TBC1D14: variants seen among roughly 807,000 people sequenced by gnomAD.
TBC1D14 encodes TBC1 domain family member 14, also known as TBC1 domain family, member 14.
In TBC1D14, 26 loss-of-function variants were observed where a neutral mutation model predicts 79.0. The observed-to-expected ratio is 0.33, with a 90% CI of 0.24 to 0.46. The LOEUF is 0.46. Ranked by LOEUF, TBC1D14 falls within the 20% of genes least tolerant of loss-of-function variation. TBC1D14 has a pLI of 1.00. For missense variants in TBC1D14, 769 were observed against 887.6 expected (o/e 0.87, Z 1.70); for synonymous variants, 394 against 349.9 (o/e 1.13, Z -1.40).
intron 1 of TBC1D14, chr4:6,910,436 AC>A (rs1722884673): frequency 7.4e-6 from 1 of 134,318 alleles, no homozygotes; most frequent in Non-Finnish European, 1.6e-5. Flanking sequence ...GACCCGCGAA[AC>A]CCCCTTTCAT....
chr4:7,003,794 G>A (rs1423261838), intron 7 of TBC1D14, among the ~76,000 whole-genome samples: 3 of 152,004 alleles, frequency 2.0e-5, no homozygotes, highest in Non-Finnish European at 4.4e-5. Context: ...CTGAGGTCAG[G>A]AGTTTGAGAC....
intron 1 of TBC1D14, among the ~76,000 whole-genome samples, chr4:6,914,657 C>T (rs1022851467): frequency 6.6e-6 from 1 of 152,178 alleles, no homozygotes; most frequent in Non-Finnish European, 1.5e-5. Context: ...GATGTGTCAT[C>T]TGCGCTTGGG....
chr4:6,923,224 C>A, intron 1 of TBC1D14, 149 bp from the exon 2 acceptor site: 1 of 917,944 alleles, frequency 1.1e-6, no homozygotes. Context: ...CCACTTCTAG[C>A]TTCTGGACTT....
chr4:6,924,537 C>T (rs1361615190), intron 2 of TBC1D14, among the ~76,000 whole-genome samples: 1 of 152,162 alleles, frequency 6.6e-6, no homozygotes, highest in East Asian at 1.9e-4. Flanking sequence ...TGCTGGCATG[C>T]CGGGTGTTCC....
intron 2 of TBC1D14, among the ~76,000 whole-genome samples, chr4:6,937,162 C>T (rs1486346899): frequency 1.3e-5 from 2 of 152,330 alleles, no homozygotes; most frequent in East Asian, 3.9e-4. Context: ...GGTGATCTGC[C>T]CGCCACAACC....
intron 2 of TBC1D14, among the ~76,000 whole-genome samples, chr4:6,966,061 A>T (rs112541319): frequency 6.6e-6 from 1 of 151,978 alleles, no homozygotes; most frequent in African/African-American, 2.4e-5. Context: ...ATTAATTTCT[A>T]TGTTTGTTTA....
intron 2 of TBC1D14, among the ~76,000 whole-genome samples, chr4:6,933,615 G>C (rs868282265): frequency 6.6e-6 from 1 of 152,144 alleles, no homozygotes; most frequent in Middle Eastern, 3.4e-3. Flanking sequence ...GCCTACCTCT[G>C]TTTCTTAAAG....
intron 9 of TBC1D14, chr4:7,007,694 T>C (rs1720341737): frequency 9.9e-7 from 1 of 1,011,130 alleles, no homozygotes. Context: ...GCCTGTTTCC[T>C]GGAACCCTGC....
At chr4:6,988,885 C>CTTTCTT (rs748889966) in intron 3 of TBC1D14, among the ~76,000 whole-genome samples, 940 of 76,966 alleles carry the variant, frequency 0.012, 18 homozygotes, top group Non-Finnish European at 0.018. Flanking sequence ...TTCTTTCTTT[C>CTTTCTT]TTTTTTTTTT....
At chr4:6,994,043 C>T (rs941122222) in intron 3 of TBC1D14, 141 bp from the exon 4 acceptor site, 2 of 681,822 alleles carry the variant, frequency 2.9e-6, no homozygotes, top group Non-Finnish European at 2.5e-6. Flanking sequence ...GCTTTTCATT[C>T]TGAATAGCAG....
chr4:7,007,614 T>G (rs971172291), intron 9 of TBC1D14: 4 of 1,288,952 alleles, frequency 3.1e-6, no homozygotes, highest in African/African-American at 1.5e-5. Flanking sequence ...GCAGCTTTGG[T>G]CCTGGTGTCT....
intron 2 of TBC1D14, among the ~76,000 whole-genome samples, chr4:6,940,074 G>T (rs970493284): frequency 2.6e-5 from 4 of 152,230 alleles, no homozygotes; most frequent in Admixed American, 6.5e-5. Flanking sequence ...TTGGGGCGCA[G>T]CTGGTGCTTT....
chr4:6,995,304 A>G (rs985702767), intron 4 of TBC1D14: 10 of 152,254 alleles, frequency 6.6e-5, no homozygotes, highest in African/African-American at 2.4e-4. Context: ...AAATCTGGTC[A>G]GGAAATGTCT....
At chr4:6,949,793 C>G (rs1257337484) in intron 2 of TBC1D14, among the ~76,000 whole-genome samples, 1 of 145,356 alleles carries the variant, frequency 6.9e-6, no homozygotes, top group Non-Finnish European at 1.5e-5. Flanking sequence ...TCTTATGTTT[C>G]TTTCATTAAA....
At chr4:6,942,339 A>T (rs967149339) in intron 2 of TBC1D14, among the ~76,000 whole-genome samples, 4 of 152,156 alleles carry the variant, frequency 2.6e-5, no homozygotes, top group African/African-American at 9.7e-5. Flanking sequence ...CTGGGTTTGT[A>T]ACTGCGAGCT....
chr4:7,021,378 AT>A (rs1168251086), intron 12 of TBC1D14, among the ~76,000 whole-genome samples: 1 of 152,206 alleles, frequency 6.6e-6, no homozygotes. Flanking sequence ...TGACAGGATC[AT>A]TTTAGCCCAG....
chr4:6,997,947 GT>G (rs1719236250), intron 5 of TBC1D14, among the ~76,000 whole-genome samples: 1 of 152,118 alleles, frequency 6.6e-6, no homozygotes, highest in Admixed American at 6.6e-5. Context: ...TGGTGGTGTG[GT>G]TGTACAGTAT....
intron 1 of TBC1D14, among the ~76,000 whole-genome samples, chr4:6,913,481 G>A (rs1244591864): frequency 6.6e-6 from 1 of 152,234 alleles, no homozygotes; most frequent in African/African-American, 2.4e-5. Flanking sequence ...AGCAGGCCAT[G>A]TATGAGCTTT....
intron 3 of TBC1D14, among the ~76,000 whole-genome samples, chr4:6,974,373 A>G (rs1343982211): frequency 6.6e-6 from 1 of 152,138 alleles, no homozygotes; most frequent in Non-Finnish European, 1.5e-5. Context: ...AGAACCAGAA[A>G]AGGGGAGACC....
Sources: gnomAD v4.1 joint callset for allele counts (sites outside exome capture counted in the v4.1 genomes callset) on GRCh38, gnomAD v4.1.1 for gene constraint, MANE v1.5 for transcripts, NCBI Gene and HGNC (gene_info 2026-07-23, HGNC 2026-07-21) for gene names.